Variants in COL4A1 observed in about 807,000 individuals in gnomAD.
The protein encoded by COL4A1 is collagen alpha-1(IV) chain.
In COL4A1, 40 loss-of-function variants were observed where a neutral mutation model predicts 216.6. That is an observed-to-expected ratio of 0.18 (90% CI 0.14 to 0.24). The LOEUF is 0.24. COL4A1 is among the 10% of genes least tolerant of loss of function. COL4A1 has a pLI of 1.00. For missense variants in COL4A1, 1,628 were observed against 2,196.8 expected, an observed-to-expected ratio of 0.74 and a Z score of 5.18; for synonymous variants, 839 against 810.7, an observed-to-expected ratio of 1.03 and a Z score of -0.59.
chr13:110,216,692 T>C (rs1566382244), intron 2 of COL4A1, among the ~76,000 whole-genome samples: 1 of 152,196 alleles, frequency 6.6e-6, no homozygotes, highest in Non-Finnish European at 1.5e-5. Flanking sequence ...GAAATAGAAA[T>C]GAGGTCAGCC....
At chr13:110,217,936 G>A (rs1203424371) in intron 2 of COL4A1, among the ~76,000 whole-genome samples, 2 of 152,194 alleles carry the variant, frequency 1.3e-5, no homozygotes, top group Non-Finnish European at 2.9e-5. Flanking sequence ...TCCTTAAAAT[G>A]CGTGGATAGA....
rs1882161744 is a variant in COL4A1 at position 110,252,588 on chromosome 13, AATT to A, written c.85-9857_85-9855del. Reference sequence around the variant, plus strand: ...ACGTATATATGTATTATATACGTATAATTATACGTATATATGTATTATATATGT... The same window carrying A: ...ACGTATATATGTATTATATACGTATAATACGTATATATGTATTATATATGT... On this transcript the variant is annotated intron_variant, in intron 1 of 51. Transcript: ENST00000375820. Among the ~76,000 whole-genome samples, 9 of 49,032 alleles carry A rather than the reference AATT, an allele frequency of 1.8e-4. No homozygotes were observed. In the Admixed American group the frequency reaches 2.1e-3, roughly 12 times the overall value. The allele number at this position is 49,032 out of a possible 152,430, so 32.2% of individuals were successfully genotyped here.
intron 18 of COL4A1, 24 bp from the exon 19 acceptor site, chr13:110,201,546 T>C (rs1302679725): frequency 2.5e-6 from 4 of 1,602,924 alleles, no homozygotes; most frequent in African/African-American, 2.7e-5. Flanking sequence ...GAAAAGGTGA[T>C]CATCCCGTGG....
In COL4A1 at chr13:110,192,855, C is replaced by T. The variant is rs1267638816; in HGVS notation, c.1440G>A (p.Gly480=). ...CDIDGYRGPP[G]PQGPPGEIGF... Reference sequence around the variant, plus strand: ...CTATTTCTCCCGGGGGTCCCTGTGGCCCGGGAGGCCCCCGATATCCGTCTA... The same window carrying T: ...CTATTTCTCCCGGGGGTCCCTGTGGTCCGGGAGGCCCCCGATATCCGTCTA... The change falls in exon 23 of 52, where the codon GGG becomes GGA. Residue 480 remains glycine, a synonymous_variant. Coordinates refer to ENST00000375820, the MANE Select transcript of COL4A1 (RefSeq NM_001845.6). 6.2e-7 allele frequency: 1 copy of T among 1,614,128 alleles called. No individual in the cohort carries two copies. Among genetic ancestry groups the T allele is most frequent in the South Asian group, 1.1e-5 (1 of 91,078 alleles).
At chr13:110,247,167 C>T (rs989556623) in intron 1 of COL4A1, among the ~76,000 whole-genome samples, 10 of 152,136 alleles carry the variant, frequency 6.6e-5, no homozygotes, top group Non-Finnish European at 7.4e-5. Context: ...TTAGCCTCTT[C>T]CCCATAGACC....
intron 41 of COL4A1, among the ~76,000 whole-genome samples, chr13:110,172,115 C>T (rs1006613920): frequency 3.3e-5 from 5 of 152,250 alleles, no homozygotes; most frequent in Non-Finnish European, 5.9e-5. Flanking sequence ...AGCCCAGCCA[C>T]GGGCCATAAG....
intron 2 of COL4A1, among the ~76,000 whole-genome samples, chr13:110,220,790 G>C (rs1264692850): frequency 6.6e-6 from 1 of 152,152 alleles, no homozygotes; most frequent in Non-Finnish European, 1.5e-5. Flanking sequence ...GAGTCTCCTG[G>C]CCGAAAGAAC....
chr13:110,162,097 C>A, intron 48 of COL4A1, 133 bp downstream of exon 48: 1 of 880,926 alleles, frequency 1.1e-6, no homozygotes. Context: ...TTTTCACTGG[C>A]TACCGCCCTC....
intron 2 of COL4A1, among the ~76,000 whole-genome samples, chr13:110,237,555 T>C (rs9521664): frequency 0.045 from 6,804 of 152,260 alleles, 182 homozygotes; most frequent in Non-Finnish European, 0.064. Flanking sequence ...AAACTGTCAA[T>C]ACCACCAAGT....
At chr13:110,252,506 T>TAC (rs1435183887) in intron 1 of COL4A1, among the ~76,000 whole-genome samples, 1 of 4,870 alleles carries the variant, frequency 2.1e-4, no homozygotes, top group African/African-American at 2.4e-4. Flanking sequence ...TACGTATATA[T>TAC]GTATTATATA....
chr13:110,294,918 A>C (rs1405557374), intron 1 of COL4A1, among the ~76,000 whole-genome samples: 1 of 152,226 alleles, frequency 6.6e-6, no homozygotes. Context: ...AATGAATATC[A>C]TTCATTTTAT....
At chr13:110,253,675 AT>A (rs1280269240) in intron 1 of COL4A1, among the ~76,000 whole-genome samples, 1 of 137,670 alleles carries the variant, frequency 7.3e-6, no homozygotes, top group Non-Finnish European at 1.6e-5. Context: ...ATGTGTATGT[AT>A]GTATTACATA....
chr13:110,201,550 C>A (rs373508911), intron 18 of COL4A1, 28 bp from the exon 19 acceptor site: 1 of 1,596,644 alleles, frequency 6.3e-7, no homozygotes, highest in Non-Finnish European at 8.6e-7. Flanking sequence ...AGGTGATCAT[C>A]CCGTGGCATG....
chr13:110,182,725 G>C (rs1438633961), intron 28 of COL4A1, among the ~76,000 whole-genome samples: 5 of 152,250 alleles, frequency 3.3e-5, no homozygotes, highest in Non-Finnish European at 7.3e-5. Flanking sequence ...AACACCTGGA[G>C]GGTGGGTTTC....
At chr13:110,285,395 T>C (rs931306256) in intron 1 of COL4A1, among the ~76,000 whole-genome samples, 2 of 152,216 alleles carry the variant, frequency 1.3e-5, no homozygotes, top group Admixed American at 6.5e-5. Context: ...CTTTGTACCT[T>C]ACACATTTAG....
chr13:110,190,786 TC>T (rs1306734335), intron 24 of COL4A1: 3 of 152,204 alleles, frequency 2.0e-5, no homozygotes, highest in Non-Finnish European at 4.4e-5. Flanking sequence ...TTTTTCCAAC[TC>T]CGGAAAGAAA....
chr13:110,189,736 A>C (rs528201564), intron 24 of COL4A1, among the ~76,000 whole-genome samples: 2 of 152,320 alleles, frequency 1.3e-5, no homozygotes, highest in African/African-American at 4.8e-5. Flanking sequence ...ATCCCAGCTA[A>C]AATTAGCCTC....
rs139776766 is a variant in COL4A1 at position 110,290,928 on chromosome 13, G to A, written c.84+16016C>T. On this transcript the variant is annotated intron_variant, in intron 1 of 51. Transcript: ENST00000375820. ...GCCAGTGAAACTCGGCAGGGGGGTC[G>A]CCGTGCAGTGGCAGAAGCCAAGGGC... Among the ~76,000 whole-genome samples the A allele has an allele frequency of 7.9e-3, 1,209 of 152,318 alleles. 17 individuals carry two copies. The highest frequency in any genetic ancestry group is 0.027 in the African/African-American group (1,125 of 41,586).
Position 110,162,242 on chromosome 13 carries a change from C to T in COL4A1, c.4450G>A (p.Gly1484Ser). The change falls in exon 48 of 52, where the codon GGC becomes AGC. Residue 1484 changes from glycine to serine, a missense_variant. Gly to Ser is a moderately conservative substitution (Grantham distance 56). Coordinates refer to ENST00000375820, the MANE Select transcript of COL4A1 (RefSeq NM_001845.6). ...GCAGGCTTCTTACCCAAGTCCTGGC[C>T]ATGGGCCCGTTCATTGCCTTGCACG... ...LYVQGNERAH[G>S]QDLGTAGSCL... The T allele has an allele frequency of 6.2e-7, 1 of 1,614,186 alleles. No homozygotes were observed. The highest frequency in any genetic ancestry group is 1.7e-5 in the Admixed American group (1 of 60,036).
Sources: gnomAD v4.1 joint callset for allele counts (sites outside exome capture counted in the v4.1 genomes callset) on GRCh38, gnomAD v4.1.1 for gene constraint, MANE v1.5 for transcripts, NCBI Gene and HGNC (gene_info 2026-07-23, HGNC 2026-07-21) for gene names.